Variants in TAFA3 observed in about 807,000 individuals in gnomAD.
TAFA3 encodes the protein chemokine-like protein TAFA-3.
Under a neutral mutation model 20.7 loss-of-function variants are expected in TAFA3, and 17 were observed. The ratio of observed to expected loss-of-function variants is 0.82; its 90% confidence interval spans 0.56 to 1.23. The LOEUF is 1.23. Ranked by LOEUF, TAFA3 falls within the 50% of genes most tolerant of loss-of-function variation. The probability of loss-of-function intolerance (pLI) is 0.00; values close to 1 mark genes in which losing one functional copy is unlikely to be tolerated. For missense variants in TAFA3, 174 were observed against 172.8 expected (o/e 1.01, Z -0.04); for synonymous variants, 74 against 71.8 (o/e 1.03, Z -0.16).
chr1:112,722,990 G>C (rs554808794), intron 3 of TAFA3, 26 bp from the exon 4 acceptor site: 2 of 1,591,214 alleles, frequency 1.3e-6, no homozygotes, highest in African/African-American at 1.3e-5. Context: ...CGTGTTGGGC[G>C]TCTGATCCTG....
intron 5 of TAFA3, among the ~76,000 whole-genome samples, chr1:112,725,867 G>T (rs142265065): frequency 6.6e-6 from 1 of 152,132 alleles, no homozygotes; most frequent in Non-Finnish European, 1.5e-5. Context: ...GGCTGGGTGC[G>T]GTGGCTCATG....
At chr1:112,723,268 G>A (rs1017864740) in intron 4 of TAFA3, 103 bp downstream of exon 4, 5 of 1,413,504 alleles carry the variant, frequency 3.5e-6, no homozygotes, top group Non-Finnish European at 4.7e-6. Context: ...ACCCGTCTCA[G>A]GGCTTTCATG....
intron 5 of TAFA3, 114 bp downstream of exon 5, chr1:112,724,251 G>A (rs1379589031): frequency 2.0e-6 from 2 of 988,760 alleles, no homozygotes; most frequent in African/African-American, 1.6e-5. Flanking sequence ...GTGAGATCGT[G>A]AACCATGAAA....
At chr1:112,726,513 T>C in intron 5 of TAFA3, 116 bp from the exon 6 acceptor site, 2 of 1,078,152 alleles carry the variant, frequency 1.9e-6, no homozygotes, top group Non-Finnish European at 2.8e-6. Flanking sequence ...TGCTTTAGGG[T>C]GAGAGGATTG....
Position 112,723,880 on chromosome 1 carries a change from G to A in TAFA3, c.266-133G>A, listed in dbSNP as rs1028292529. The A allele has an allele frequency of 3.8e-6, 6 of 1,583,386 alleles. No homozygotes were observed. In the African/African-American group the frequency reaches 8.1e-5, roughly 21 times the overall value. ...GCCTCTCTGGGCAGCCTGGAGTAGG[G>A]GAAAGACAAGGGAAATGCATGGCTC... is the stretch of plus-strand genomic sequence containing the variant. On this transcript the variant is annotated intron_variant, in intron 4 of 5. Transcript: ENST00000361886.
chr1:112,720,193 G>A (rs75890671), intron 1 of TAFA3, among the ~76,000 whole-genome samples: 2,795 of 152,138 alleles, frequency 0.018, 95 homozygotes, highest in African/African-American at 0.064. Context: ...TATCTCCCAC[G>A]TGCCTCTTCC....
intron 2 of TAFA3, 114 bp from the exon 3 acceptor site, chr1:112,722,119 G>GTGTGCCTCCTCCCCATCTT: frequency 1.9e-6 from 2 of 1,049,684 alleles, no homozygotes; most frequent in Non-Finnish European, 2.9e-6. Flanking sequence ...TGGGGACAAG[G>GTGTGCCTCCTCCCCATCTT]TGTGCCTCCT....
chr1:112,722,885 T>TC, intron 3 of TAFA3, 131 bp from the exon 4 acceptor site: 12 of 1,164,546 alleles, frequency 1.0e-5, no homozygotes, highest in Non-Finnish European at 1.4e-5. Context: ...CACTTCCTCC[T>TC]CCCCTGCCAC....
intron 1 of TAFA3, among the ~76,000 whole-genome samples, chr1:112,720,209 GA>G (rs1675297143): frequency 6.6e-6 from 1 of 151,978 alleles, no homozygotes; most frequent in African/African-American, 2.4e-5. Context: ...CTTCCAGCAG[GA>G]ATCTGTCAGG....
Position 112,727,044 on chromosome 1 carries a change from G to T in TAFA3, c.*404G>T. On this transcript the variant is annotated 3_prime_UTR_variant, in exon 6 of 6. Transcript: ENST00000361886. ...TTCTTCAGATACCCTGTGGCCACAG[G>T]GCATAGAAACAAGAGGTCACATTCA... The T allele has an allele frequency of 4.7e-6, 1 of 214,128 alleles. No individual in the cohort carries two copies. The highest frequency in any genetic ancestry group is 8.5e-5 in the South Asian group (1 of 11,732). 13.3% of individuals were successfully genotyped at this position (214,128 alleles called of 1,614,324 possible). A position where few individuals can be genotyped will look rare whatever the true frequency, so the allele number is the denominator to read the frequency against.
At chr1:112,722,871 C>T in intron 3 of TAFA3, 145 bp from the exon 4 acceptor site, 2 of 1,031,934 alleles carry the variant, frequency 1.9e-6, no homozygotes, top group Non-Finnish European at 1.4e-6. Context: ...GGGAAGATTT[C>T]ATCCACTTCC....
chr1:112,718,979 C>A lies in TAFA3; in HGVS notation c.-380C>A, dbSNP rs1675265515. The stretch of plus-strand genomic sequence containing the variant: ...GTAGCCCGGGGCGAGGCGGCGGTTG[C>A]GGCGGCGGCTGCGCGCTCCCCGGCC... On this transcript the variant is annotated 5_prime_UTR_variant, in exon 1 of 6. Coordinates refer to ENST00000361886, the MANE Select transcript of TAFA3 (RefSeq NM_182759.3). 6.6e-6 allele frequency among the ~76,000 whole-genome samples: 1 copy of A among 152,140 alleles called. No homozygotes were observed. Among genetic ancestry groups the A allele is most frequent in the Non-Finnish European group, 1.5e-5 (1 of 68,022 alleles).
chr1:112,723,269 G>A lies in TAFA3; in HGVS notation c.265+104G>A, dbSNP rs113456301. On this transcript the variant is annotated intron_variant, in intron 4 of 5. Transcript: ENST00000361886. ...GGATACAATTTCATACCCGTCTCAG[G>A]GCTTTCATGAGCAGTCTCAAATGGT... 3,308 of 1,414,048 alleles carry A rather than the reference G, an allele frequency of 2.3e-3. 78 individuals carry two copies. The African/African-American group carries it at 0.042, about 18-fold the overall frequency. 87.6% of individuals were successfully genotyped at this position (1,414,048 alleles called of 1,614,324 possible).
At chr1:112,719,382 G>A (rs563274183) in intron 1 of TAFA3, among the ~76,000 whole-genome samples, 83 bp downstream of exon 1, 1 of 152,334 alleles carries the variant, frequency 6.6e-6, no homozygotes, top group Admixed American at 6.5e-5. Flanking sequence ...GTGAAGAAAG[G>A]TTGAAGATTC....
At position 112,724,266 on chromosome 1, in the gene TAFA3, C is replaced by T. The variant is rs571819206; in HGVS notation, c.390+129C>T. 1.2e-4 allele frequency: 102 copies of T among 856,446 alleles called. 1 individual carries two copies. In the African/African-American group the frequency reaches 1.3e-3, roughly 11 times the overall value. 53.1% of individuals were successfully genotyped at this position (856,446 alleles called of 1,614,324 possible). On this transcript the variant is annotated intron_variant, in intron 5 of 5. Coordinates refer to ENST00000361886, the MANE Select transcript of TAFA3 (RefSeq NM_182759.3). ...GTGAGATCGTGAACCATGAAATTCA[C>T]AGACAGTCCTCTCAGGTCTGTTCTC...
In TAFA3 at chr1:112,723,098, G is replaced by A. The variant is rs1032933901; in HGVS notation, c.198G>A (p.Thr66=). The change falls in exon 4 of 6, where the codon ACG becomes ACA. Residue 66 remains threonine (T), a synonymous_variant. Transcript: ENST00000361886. ...NRNRIEERSQ[T]VKCSCFSGQV... ...ACCGCATCGAGGAGCGCTCCCAGAC[G>A]GTGAAATGCTCCTGTTTTTCTGGCC... The A allele has an allele frequency of 3.1e-6, 5 of 1,613,314 alleles. No individual in the cohort carries two copies. Among genetic ancestry groups the A allele is most frequent in the Non-Finnish European group, 4.2e-6 (5 of 1,179,772 alleles).
At chr1:112,724,816 CAAAAAAA>C in intron 5 of TAFA3, among the ~76,000 whole-genome samples, 303 of 22,692 alleles carry the variant, frequency 0.013, 3 homozygotes, top group African/African-American at 0.056. Context: ...ATTAGAGCAG[CAAAAAAA>C]AAAAAAAAAA....
chr1:112,720,663 G>C (rs978432991), intron 2 of TAFA3, 29 bp downstream of exon 2: 7 of 152,580 alleles, frequency 4.6e-5, no homozygotes, highest in Non-Finnish European at 1.0e-4. Flanking sequence ...AAGATGGGGA[G>C]TAGCGGGGGT....
intron 5 of TAFA3, among the ~76,000 whole-genome samples, chr1:112,726,106 C>T (rs1034947457): frequency 1.3e-5 from 2 of 151,866 alleles, no homozygotes; most frequent in African/African-American, 4.8e-5. Context: ...CACTGCACTC[C>T]AGTCTGGGCG....
Sources: allele counts gnomAD v4.1 joint callset (sites outside exome capture counted in the v4.1 genomes callset), GRCh38; gene constraint gnomAD v4.1.1; transcripts MANE v1.5; gene names NCBI Gene and HGNC (gene_info 2026-07-23, HGNC 2026-07-21).